RNF220: variants seen among roughly 807,000 people sequenced by gnomAD.
RNF220 encodes the protein ring finger protein 220, also known as E3 ubiquitin-protein ligase RNF220.
Under a neutral mutation model 67.1 loss-of-function variants are expected in RNF220, and 7 were observed. That is an observed-to-expected ratio of 0.10 (90% CI 0.06 to 0.20). RNF220 has a LOEUF of 0.20. RNF220 is among the 10% of genes least tolerant of loss of function. The pLI, the probability that RNF220 is intolerant of heterozygous loss-of-function variation, is 1.00. For missense variants in RNF220, 565 were observed against 740.3 expected, an observed-to-expected ratio of 0.76 and a Z score of 2.75; for synonymous variants, 270 against 283.2, an observed-to-expected ratio of 0.95 and a Z score of 0.47.
chr1:44,642,583 TCTGTTTA>T (rs1644519418), intron 8 of RNF220, among the ~76,000 whole-genome samples: 1 of 152,134 alleles, frequency 6.6e-6, no homozygotes, highest in African/African-American at 2.4e-5. Context: ...CCACAGTAGC[TCTGTTTA>T]ATGGAGTATG....
intron 2 of RNF220, among the ~76,000 whole-genome samples, chr1:44,595,496 G>C (rs72671910): frequency 0.17 from 25,418 of 152,172 alleles, 2,619 homozygotes; most frequent in Middle Eastern, 0.29. Flanking sequence ...GCAGGGTTGT[G>C]TGCAGGCTGG....
At chr1:44,507,733 C>G (rs1418822499) in intron 2 of RNF220, among the ~76,000 whole-genome samples, 1 of 152,166 alleles carries the variant, frequency 6.6e-6, no homozygotes, top group African/African-American at 2.4e-5. Context: ...AGTGAAGTGG[C>G]CGGTGTGGGC....
chr1:44,406,993 G>A (rs1647403077), intron 1 of RNF220, among the ~76,000 whole-genome samples: 1 of 152,188 alleles, frequency 6.6e-6, no homozygotes, highest in East Asian at 1.9e-4. Flanking sequence ...CTCGCTTCCC[G>A]TTAAGCACAC....
intron 2 of RNF220, among the ~76,000 whole-genome samples, chr1:44,537,061 C>T (rs1422515681): frequency 7.0e-6 from 1 of 143,802 alleles, no homozygotes; most frequent in Non-Finnish European, 1.5e-5. Flanking sequence ...ATTACAAGGG[C>T]TTTATTATGC....
intron 6 of RNF220, among the ~76,000 whole-genome samples, chr1:44,634,419 G>A (rs1268381324): frequency 6.6e-6 from 1 of 152,250 alleles, no homozygotes; most frequent in African/African-American, 2.4e-5. Context: ...CTGTGAGCCT[G>A]ACACACGGTA....
At chr1:44,453,172 G>A (rs1315649679) in intron 2 of RNF220, among the ~76,000 whole-genome samples, 1 of 152,076 alleles carries the variant, frequency 6.6e-6, no homozygotes, top group Admixed American at 6.6e-5. Context: ...CTTTTATTAA[G>A]GCTTTACTAA....
intron 2 of RNF220, among the ~76,000 whole-genome samples, chr1:44,426,712 G>A (rs1649810821): frequency 7.2e-6 from 1 of 139,578 alleles, no homozygotes; most frequent in South Asian, 2.3e-4. Context: ...GGGTGACACA[G>A]CAAGACTCTG....
At chr1:44,643,373 G>C (rs1644541266) in intron 8 of RNF220, 1 of 152,284 alleles carries the variant, frequency 6.6e-6, no homozygotes, top group Non-Finnish European at 1.5e-5. Context: ...CAGCCTGTGT[G>C]TGCACATGCT....
chr1:44,590,537 A>C (rs977315266), intron 2 of RNF220, among the ~76,000 whole-genome samples: 6 of 152,132 alleles, frequency 3.9e-5, no homozygotes, highest in Non-Finnish European at 7.3e-5. Context: ...TAGGTCTTGC[A>C]TTGAACTAAA....
chr1:44,596,336 T>C (rs1053669225), intron 2 of RNF220, among the ~76,000 whole-genome samples: 1 of 151,810 alleles, frequency 6.6e-6, no homozygotes, highest in Admixed American at 6.6e-5. Flanking sequence ...CTGAGGCAGG[T>C]GGATCACCTG....
At chr1:44,504,829 A>T (rs1297238196) in intron 2 of RNF220, among the ~76,000 whole-genome samples, 1 of 151,764 alleles carries the variant, frequency 6.6e-6, no homozygotes, top group Non-Finnish European at 1.5e-5. Flanking sequence ...CTTTTTTTCA[A>T]ATTTGTCTCT....
chr1:44,615,371 G>A (rs967385033), intron 3 of RNF220, among the ~76,000 whole-genome samples: 3 of 152,104 alleles, frequency 2.0e-5, no homozygotes, highest in Non-Finnish European at 1.5e-5. Flanking sequence ...CTTTTGATGG[G>A]AGGACTGGCA....
chr1:44,502,351 A>G lies in RNF220; in HGVS notation c.625+89629A>G, dbSNP rs573877546. Among the ~76,000 whole-genome samples the G allele has an allele frequency of 2.0e-5, 3 of 152,206 alleles. No homozygotes were observed. In the South Asian group the frequency reaches 6.2e-4, roughly 32 times the overall value. ...CTCTAGGGGTTCTACAACCATAAAG[A>G]TAACTCCAGAACCAATCCCTGAATT... On this transcript the variant is annotated intron_variant, in intron 2 of 14. Transcript: ENST00000361799.
chr1:44,534,874 G>A (rs1028820839), intron 2 of RNF220, among the ~76,000 whole-genome samples: 1 of 152,152 alleles, frequency 6.6e-6, no homozygotes, highest in African/African-American at 2.4e-5. Flanking sequence ...AGATTGGAGA[G>A]AACTAAAACA....
At chr1:44,574,552 C>G (rs1664672295) in intron 2 of RNF220, among the ~76,000 whole-genome samples, 1 of 152,198 alleles carries the variant, frequency 6.6e-6, no homozygotes, top group Non-Finnish European at 1.5e-5. Context: ...CCAGACAGTT[C>G]ACCAGCCCCA....
intron 2 of RNF220, among the ~76,000 whole-genome samples, chr1:44,482,845 T>C (rs2148027050): frequency 6.6e-6 from 1 of 150,526 alleles, no homozygotes; most frequent in South Asian, 2.1e-4. Context: ...GGTCTCAAAC[T>C]CCTGACCTCA....
chr1:44,650,494 G>A lies in RNF220; in HGVS notation c.1630-210G>A. ...CTCATTACTGGGGCTCCTGCTGCGG[G>A]GCTGGCCAGGCGGTTTGATCCTGGC... On this transcript the variant is annotated intron_variant, in intron 14 of 14. Transcript: ENST00000361799. This position sits in a 1 kb window ranked among gnomAD's most constrained non-coding sequence, Gnocchi z 4.3. 3 of 594,796 alleles carry A rather than the reference G, an allele frequency of 5.0e-6. No individual in the cohort carries two copies. Among genetic ancestry groups the A allele is most frequent in the Non-Finnish European group, 9.1e-6 (3 of 331,342 alleles). 36.8% of individuals were successfully genotyped at this position (594,796 alleles called of 1,614,324 possible).
chr1:44,408,120 C>T (rs1647575578), intron 1 of RNF220, among the ~76,000 whole-genome samples: 1 of 152,146 alleles, frequency 6.6e-6, no homozygotes, highest in Non-Finnish European at 1.5e-5. Flanking sequence ...CGCGTTGGGC[C>T]CAAGTTTATG....
chr1:44,418,521 A>G (rs1648843849), intron 2 of RNF220, among the ~76,000 whole-genome samples: 1 of 152,146 alleles, frequency 6.6e-6, no homozygotes, highest in African/African-American at 2.4e-5. Context: ...CGCAGCCAGC[A>G]CAGCGGGGCT....
Sources: gnomAD v4.1 joint callset for allele counts (sites outside exome capture counted in the v4.1 genomes callset) on GRCh38, gnomAD v4.1.1 for gene constraint, Gnocchi (gnomAD v3.1) non-coding constraint, MANE v1.5 for transcripts, NCBI Gene and HGNC (gene_info 2026-07-23, HGNC 2026-07-21) for gene names.